The following GDI2 variants were observed in gnomAD, a reference collection of about 807,000 sequenced individuals.
GDI2 encodes the protein GDP dissociation inhibitor 2.
A neutral mutation model predicts 54.2 loss-of-function variants in GDI2; 22 were observed. The ratio of observed to expected loss-of-function variants is 0.41; its 90% confidence interval spans 0.29 to 0.58. The LOEUF (loss-of-function observed/expected upper bound fraction) is 0.58, where lower values mean the gene tolerates loss of function less well. GDI2 is among the 20% of genes least tolerant of loss of function. GDI2 has a pLI of 0.35. For missense variants in GDI2, 422 were observed against 546.0 expected, an observed-to-expected ratio of 0.77 and a Z score of 2.26; for synonymous variants, 177 against 182.1, an observed-to-expected ratio of 0.97 and a Z score of 0.23.
chr10:5,811,977 A>T (rs1007215438), intron 1 of GDI2: 9 of 770,542 alleles, frequency 1.2e-5, no homozygotes, highest in Admixed American at 4.4e-5. Context: ...AAAAAAAAAA[A>T]TTGGTTTGAC....
intron 6 of GDI2, among the ~76,000 whole-genome samples, chr10:5,778,152 A>G (rs1490657970): frequency 6.6e-6 from 1 of 152,142 alleles, no homozygotes; most frequent in Admixed American, 6.5e-5. Context: ...GGGGCTAGGG[A>G]GGGATAGCAC....
rs1840561718 is a variant in GDI2 at position 5,774,059 on chromosome 10, A to C, written c.720-118T>G. On this transcript the variant is annotated intron_variant, in intron 6 of 10. Coordinates refer to ENST00000380191, the MANE Select transcript of GDI2 (RefSeq NM_001494.4). This position sits in a 1 kb window ranked among gnomAD's most constrained non-coding sequence, Gnocchi z 4.8. ...ACATTTGTTCAATTTCCTTCTAGAA[A>C]GATGTCAGCTTAGAAGTGATTAAAG... 11 of 559,884 alleles carry C rather than the reference A, an allele frequency of 2.0e-5. No homozygotes were observed. In the Admixed American group the frequency reaches 4.0e-4, roughly 20 times the overall value. The allele number at this position is 559,884 out of a possible 1,614,324, so 34.7% of individuals were successfully genotyped here. A position where few individuals can be genotyped will look rare whatever the true frequency, so the allele number is the denominator to read the frequency against.
chr10:5,791,080 C>G (rs1054374454), intron 4 of GDI2, among the ~76,000 whole-genome samples: 1 of 152,066 alleles, frequency 6.6e-6, no homozygotes, highest in Non-Finnish European at 1.5e-5. Flanking sequence ...CTGCTTGAGT[C>G]CGGGAGTTCA....
intron 4 of GDI2, among the ~76,000 whole-genome samples, chr10:5,792,101 T>C (rs906647436): frequency 2.0e-5 from 3 of 152,188 alleles, no homozygotes; most frequent in African/African-American, 7.2e-5. Context: ...TTAGAAGGTA[T>C]GTAATCATTG....
At chr10:5,782,468 T>C (rs1175186752) in intron 6 of GDI2, among the ~76,000 whole-genome samples, 1 of 152,200 alleles carries the variant, frequency 6.6e-6, no homozygotes, top group African/African-American at 2.4e-5. Context: ...TCACTCCCAG[T>C]ATTTACCCAA....
chr10:5,785,190 T>C lies in GDI2; in HGVS notation c.671A>G (p.Tyr224Cys), dbSNP rs1323493012. The change falls in exon 6 of 11, where the codon TAC (tyrosine) becomes TGC (cysteine). Residue 224 changes from tyrosine to cysteine, a missense_variant. Coordinates refer to ENST00000380191, the MANE Select transcript of GDI2 (RefSeq NM_001494.4). ...TCCAAGGCCATAGAGTGGATAAAGG[T>C]ATGGGCTTTTGCCATATCTTGCCAA... ...ESLARYGKSP[Y>C]LYPLYGLGEL... 4 of 1,612,298 alleles carry C rather than the reference T, an allele frequency of 2.5e-6. No individual in the cohort carries two copies. In the African/African-American group the frequency reaches 5.3e-5, roughly 22 times the overall value.
chr10:5,810,987 T>C (rs1463684898), intron 1 of GDI2, among the ~76,000 whole-genome samples: 1 of 152,176 alleles, frequency 6.6e-6, no homozygotes, highest in Admixed American at 6.6e-5. Context: ...AGTACTTGCC[T>C]TTTTTTAGGT....
At chr10:5,786,924 T>A (rs1475888941) in intron 4 of GDI2, among the ~76,000 whole-genome samples, 1 of 152,190 alleles carries the variant, frequency 6.6e-6, no homozygotes, top group Non-Finnish European at 1.5e-5. Context: ...CATTTTACAC[T>A]AAAAAACAGA....
chr10:5,778,506 C>T (rs1840676617), intron 6 of GDI2, among the ~76,000 whole-genome samples: 1 of 152,220 alleles, frequency 6.6e-6, no homozygotes. Flanking sequence ...ACACTTTGCA[C>T]TACTAATGAT....
chr10:5,767,428 C>T (rs568697785), intron 8 of GDI2, among the ~76,000 whole-genome samples: 5 of 152,240 alleles, frequency 3.3e-5, no homozygotes, highest in South Asian at 4.2e-4. Context: ...CCTCTCCCAC[C>T]GCAGCCTCCC....
At chr10:5,809,552 G>A (rs115287723) in intron 1 of GDI2, among the ~76,000 whole-genome samples, 2,080 of 152,168 alleles carry the variant, frequency 0.014, 48 homozygotes, top group African/African-American at 0.048. Context: ...AGGTTTTCCT[G>A]ATTCCCTGAC....
intron 4 of GDI2, among the ~76,000 whole-genome samples, chr10:5,788,153 T>A (rs368690363): frequency 6.6e-6 from 1 of 152,086 alleles, no homozygotes; most frequent in South Asian, 2.1e-4. Context: ...AAACTCCTAA[T>A]TGAAAAAGTT....
chr10:5,783,852 G>A (rs1306189887), intron 6 of GDI2, among the ~76,000 whole-genome samples: 1 of 152,156 alleles, frequency 6.6e-6, no homozygotes, highest in East Asian at 1.9e-4. Context: ...TGAGGCTTTT[G>A]ACTCACAGCT....
chr10:5,780,496 G>C (rs978287778), intron 6 of GDI2, among the ~76,000 whole-genome samples: 5 of 150,218 alleles, frequency 3.3e-5, no homozygotes, highest in African/African-American at 1.2e-4. Flanking sequence ...TGACATGACT[G>C]TGTAGAAGGA....
At chr10:5,811,043 C>T (rs1009770974) in intron 1 of GDI2, among the ~76,000 whole-genome samples, 1 of 152,144 alleles carries the variant, frequency 6.6e-6, no homozygotes, top group Non-Finnish European at 1.5e-5. Context: ...AATTAATTAA[C>T]TCCAGACATT....
chr10:5,799,979 G>GA (rs1366237258), intron 2 of GDI2, among the ~76,000 whole-genome samples: 1 of 151,980 alleles, frequency 6.6e-6, no homozygotes, highest in East Asian at 1.9e-4. Context: ...ACTGAATATA[G>GA]AAAAAAATCC....
chr10:5,778,533 G>A (rs1840677417), intron 6 of GDI2, among the ~76,000 whole-genome samples: 2 of 152,108 alleles, frequency 1.3e-5, no homozygotes, highest in African/African-American at 4.8e-5. Context: ...AAGACTATCA[G>A]GAGAAATATT....
In GDI2 at chr10:5,813,263, G is replaced by T; in HGVS notation, c.-5C>A. On this transcript the variant is annotated 5_prime_UTR_variant, in exon 1 of 11. Coordinates refer to ENST00000380191, the MANE Select transcript of GDI2 (RefSeq NM_001494.4). ...CACGTCGTACTCCTCATTCATGGCGGGGCAGGCGCGGACGCAGGACCCGAG... is the reference window on the plus strand; with the variant it reads ...CACGTCGTACTCCTCATTCATGGCGTGGCAGGCGCGGACGCAGGACCCGAG... The T allele has an allele frequency of 6.4e-7, 1 of 1,573,806 alleles. No homozygotes were observed.
Position 5,794,188 on chromosome 10 carries a change from AAT to A in GDI2, c.388+695_388+696del, listed in dbSNP as rs1165735549. Among the ~76,000 whole-genome samples the A allele has an allele frequency of 6.2e-3, 249 of 40,330 alleles. 3 individuals are homozygous for A. The highest frequency in any genetic ancestry group is 7.0e-3 in the Non-Finnish European group (167 of 23,830). The allele number at this position is 40,330 out of a possible 152,430, so 26.5% of individuals were successfully genotyped here. ...TCTTTAAAAGAAAAAAAAAAAAAAAAATATATATATATATATATATATATATA... is the reference window on the plus strand; with the variant it reads ...TCTTTAAAAGAAAAAAAAAAAAAAAAATATATATATATATATATATATATA... On this transcript the variant is annotated intron_variant, in intron 4 of 10. Transcript: ENST00000380191.
Sources: gnomAD v4.1 joint callset for allele counts (sites outside exome capture counted in the v4.1 genomes callset) on GRCh38, gnomAD v4.1.1 for gene constraint, Gnocchi (gnomAD v3.1) non-coding constraint, MANE v1.5 for transcripts, NCBI Gene and HGNC (gene_info 2026-07-23, HGNC 2026-07-21) for gene names.